POLA1: variants seen among roughly 807,000 people sequenced by gnomAD.
POLA1 encodes the protein DNA polymerase alpha 1, catalytic subunit.
In POLA1, 15 loss-of-function variants were observed where a neutral mutation model predicts 124.0. The observed-to-expected ratio is 0.12, with a 90% CI of 0.08 to 0.19. POLA1 has a LOEUF of 0.19. POLA1 is among the 10% of genes least tolerant of loss of function. The pLI, the probability that POLA1 is intolerant of heterozygous loss-of-function variation, is 1.00. For missense variants in POLA1, 886 were observed against 1,103.4 expected (o/e 0.80, Z 2.79); for synonymous variants, 408 against 389.4 (o/e 1.05, Z -0.56).
intron 34 of POLA1, among the ~76,000 whole-genome samples, chrX:24,859,414 A>G (rs1422927660): frequency 9.0e-6 from 1 of 110,783 alleles, no homozygotes; most frequent in Non-Finnish European, 1.9e-5. Flanking sequence ...CTATCTCCAC[A>G]CTTTCACTCC....
chrX:24,791,090 G>A (rs759136117), intron 26 of POLA1, among the ~76,000 whole-genome samples: 1 of 110,236 alleles, frequency 9.1e-6, no homozygotes, highest in African/African-American at 3.3e-5. Context: ...CTTTGGATTT[G>A]TGAACAAATG....
chrX:24,957,723 T>C, intron 36 of POLA1, among the ~76,000 whole-genome samples: 1 of 111,698 alleles, frequency 9.0e-6, no homozygotes, highest in East Asian at 2.8e-4. Flanking sequence ...TCAGAATTGT[T>C]GCCTGTAGGA....
chrX:24,972,349 A>C (rs2048314218), intron 36 of POLA1, among the ~76,000 whole-genome samples: 1 of 112,163 alleles, frequency 8.9e-6, no homozygotes, highest in Non-Finnish European at 1.9e-5. Flanking sequence ...AGGGGAAATT[A>C]TGAGTGGGTA....
intron 26 of POLA1, among the ~76,000 whole-genome samples, chrX:24,808,648 ATAATAT>A (rs2045846592): frequency 9.0e-6 from 1 of 111,598 alleles, no homozygotes; most frequent in Non-Finnish European, 1.9e-5. Flanking sequence ...GTCTAAGAAC[ATAATAT>A]TAATACAACG....
At chrX:24,946,563 C>T (rs1358151571) in intron 36 of POLA1, among the ~76,000 whole-genome samples, 2 of 111,926 alleles carry the variant, frequency 1.8e-5, no homozygotes, top group Non-Finnish European at 3.8e-5. Context: ...TGGCCACATC[C>T]TTTGGCTGGT....
chrX:24,754,318 C>T (rs1049301990), intron 26 of POLA1, among the ~76,000 whole-genome samples: 18 of 108,665 alleles, frequency 1.7e-4, no homozygotes, highest in Non-Finnish European at 2.7e-4. Context: ...AGTGCAATGG[C>T]GTGATCTCGG....
chrX:24,966,162 G>A (rs751539051), intron 36 of POLA1, among the ~76,000 whole-genome samples: 3 of 112,158 alleles, frequency 2.7e-5, no homozygotes, highest in Admixed American at 9.4e-5. Context: ...GAAATGCATC[G>A]TTCTTCAAGT....
At chrX:24,882,601 G>A (rs749589286) in intron 34 of POLA1, among the ~76,000 whole-genome samples, 2 of 110,610 alleles carry the variant, frequency 1.8e-5, no homozygotes, top group Non-Finnish European at 3.8e-5. Context: ...AATCTGCTTA[G>A]CATGATGGCC....
intron 10 of POLA1, among the ~76,000 whole-genome samples, chrX:24,718,423 C>T (rs996195320): frequency 9.0e-6 from 1 of 111,678 alleles, no homozygotes; most frequent in Non-Finnish European, 1.9e-5. Flanking sequence ...TTCAGCTTAA[C>T]GAGCCAAGTA....
intron 35 of POLA1, among the ~76,000 whole-genome samples, chrX:24,927,006 AT>A (rs367953627): frequency 2.6e-4 from 26 of 101,172 alleles, no homozygotes; most frequent in South Asian, 4.6e-4. Flanking sequence ...TAATTTTTGT[AT>A]TTTTTTTTTT....
At chrX:24,928,438 G>A (rs1601880220) in intron 35 of POLA1, among the ~76,000 whole-genome samples, 1 of 112,200 alleles carries the variant, frequency 8.9e-6, no homozygotes, top group Non-Finnish European at 1.9e-5. Flanking sequence ...GAAGGACTGA[G>A]GGGCAATTAA....
intron 36 of POLA1, among the ~76,000 whole-genome samples, chrX:24,971,922 G>A (rs1311937555): frequency 2.2e-5 from 2 of 90,568 alleles, no homozygotes; most frequent in Non-Finnish European, 4.3e-5. Context: ...AAAGGGAATG[G>A]ATGTGGAAGA....
At chrX:24,935,235 A>G (rs1390203310) in intron 36 of POLA1, among the ~76,000 whole-genome samples, 1 of 112,390 alleles carries the variant, frequency 8.9e-6, no homozygotes, top group Admixed American at 9.4e-5. Flanking sequence ...TAAGACTTCA[A>G]CCTACCTTCA....
At chrX:24,773,567 A>G (rs780034321) in intron 26 of POLA1, among the ~76,000 whole-genome samples, 1 of 112,225 alleles carries the variant, frequency 8.9e-6, no homozygotes, top group Admixed American at 9.4e-5. Flanking sequence ...TTCCTCATCT[A>G]TAATAAAACA....
rs752558097 is a variant in POLA1, at chrX:24,833,283, GTTTC to G, written c.3736+6686_3736+6689del. On this transcript the variant is annotated intron_variant, in intron 32 of 36. Transcript: ENST00000379068. ...TTCCATGGTGTATATATATGCCACA[GTTTC>G]TTTATCCACTCATTGTTGGGCATTT... is the stretch of plus-strand genomic sequence containing the variant. Among the ~76,000 whole-genome samples the G allele has an allele frequency of 3.6e-5, 4 of 111,605 alleles. No homozygotes were observed. In the Admixed American group the frequency reaches 3.8e-4, roughly 11 times the overall value.
rs1384372383 is a variant in POLA1 at position 24,874,432 on chromosome X, G to A, written c.4048-13574G>A. On this transcript the variant is annotated intron_variant, in intron 34 of 36. Coordinates refer to ENST00000379068, the MANE Select transcript of POLA1 (RefSeq NM_001330360.2). The stretch of plus-strand genomic sequence containing the variant: ...CAGATTTGAGGCTTTGATAATTCTA[G>A]TGCTGCATGGAAAACTTGGAAGAGC... Among the ~76,000 whole-genome samples the A allele has an allele frequency of 4.5e-5, 5 of 111,956 alleles. No homozygotes were observed. The South Asian group carries it at 1.9e-3, about 42-fold the overall frequency.
intron 35 of POLA1, among the ~76,000 whole-genome samples, chrX:24,917,654 G>C (rs2047554028): frequency 9.0e-6 from 1 of 111,380 alleles, no homozygotes; most frequent in African/African-American, 3.3e-5. Context: ...GAGAATTACT[G>C]CTTATCTCTC....
chrX:24,730,649 C>T (rs1258707214), intron 15 of POLA1, among the ~76,000 whole-genome samples: 2 of 112,114 alleles, frequency 1.8e-5, no homozygotes, highest in Non-Finnish European at 3.8e-5. Flanking sequence ...CAGAAAGCAA[C>T]GACAGTATTA....
chrX:24,906,625 G>T (rs1479106723), intron 35 of POLA1, among the ~76,000 whole-genome samples: 1 of 110,415 alleles, frequency 9.1e-6, no homozygotes, highest in Non-Finnish European at 1.9e-5. Flanking sequence ...CACCACTAAA[G>T]AACTTATCCA....
Sources: allele counts gnomAD v4.1 joint callset (sites outside exome capture counted in the v4.1 genomes callset), GRCh38; gene constraint gnomAD v4.1.1; transcripts MANE v1.5; gene names NCBI Gene and HGNC (gene_info 2026-07-23, HGNC 2026-07-21).